The following FZD3 variants were observed in gnomAD, a reference collection of about 807,000 sequenced individuals.
FZD3 encodes the protein frizzled-3.
In FZD3, 30 loss-of-function variants were observed where a neutral mutation model predicts 60.7. The ratio of observed to expected loss-of-function variants is 0.49; its 90% confidence interval spans 0.37 to 0.67. The LOEUF (loss-of-function observed/expected upper bound fraction) is 0.67, where lower values mean the gene tolerates loss of function less well. Among genes scored for constraint, FZD3 ranks in the 30% least tolerant of loss-of-function variants. FZD3 has a pLI of 0.00. For synonymous variants in FZD3, 246 were observed against 275.2 expected (o/e 0.89, Z 1.05); for missense variants, 605 against 838.7 (o/e 0.72, Z 3.44).
chr8:28,535,177 A>G (rs1804977451), intron 5 of FZD3, among the ~76,000 whole-genome samples: 1 of 152,138 alleles, frequency 6.6e-6, no homozygotes, highest in Non-Finnish European at 1.5e-5. Flanking sequence ...GGCTGGGTGT[A>G]AAGTATTTTA....
At chr8:28,495,127 G>A (rs1010243553) in intron 1 of FZD3, among the ~76,000 whole-genome samples, 24 of 152,190 alleles carry the variant, frequency 1.6e-4, no homozygotes, top group Non-Finnish European at 2.8e-4. Context: ...TCTTCCTAGC[G>A]GTGTTTTACA....
rs933244747 is a variant in FZD3, at chr8:28,566,410, A to G, written c.*3399A>G. The G allele has an allele frequency of 1.3e-5, 2 of 152,122 alleles. No individual in the cohort carries two copies. The highest frequency in any genetic ancestry group is 2.9e-5 in the Non-Finnish European group (2 of 67,970). The allele number at this position is 152,122 out of a possible 1,614,324, so 9.4% of individuals were successfully genotyped here. A position where few individuals can be genotyped will look rare whatever the true frequency, so the allele number is the denominator to read the frequency against. On this transcript the variant is annotated 3_prime_UTR_variant, in exon 8 of 8. Transcript: ENST00000240093. ...ACTCCTTTTAGTCTTATGCTGTTAG[A>G]TCTTTGTGGACCAGCTGAGTAAATG... is the stretch of plus-strand genomic sequence containing the variant.
rs2130488274 is a variant in FZD3, at chr8:28,568,247, CAGCTGTATTTCCTAGT to C, written c.*5245_*5260del. Reference sequence around the variant, plus strand: ...TAAGAAAAAATGTTTACATTTAATTCAGCTGTATTTCCTAGTAGCTGTATAATCTTACACATTATTC... The same window carrying C: ...TAAGAAAAAATGTTTACATTTAATTCAGCTGTATAATCTTACACATTATTC... On this transcript the variant is annotated 3_prime_UTR_variant, in exon 8 of 8. Coordinates refer to ENST00000240093, the MANE Select transcript of FZD3 (RefSeq NM_017412.4). 6.6e-6 allele frequency: 1 copy of C among 152,208 alleles called. No individual in the cohort carries two copies. The highest frequency in any genetic ancestry group is 2.4e-5 in the African/African-American group (1 of 41,552). 9.4% of individuals were successfully genotyped at this position (152,208 alleles called of 1,614,324 possible). A position where few individuals can be genotyped will look rare whatever the true frequency, so the allele number is the denominator to read the frequency against.
intron 5 of FZD3, among the ~76,000 whole-genome samples, chr8:28,543,609 GA>G (rs1262299095): frequency 6.6e-6 from 1 of 151,934 alleles, no homozygotes; most frequent in African/African-American, 2.4e-5. Context: ...TCGAACTCCT[GA>G]CCTCAAGTGA....
rs138505920 is a variant in FZD3 at position 28,542,254 on chromosome 8, G to A, written c.1405-9349G>A. On this transcript the variant is annotated intron_variant, in intron 5 of 7. Transcript: ENST00000240093. ...TCTTCAGAGACAGCAAACTTGTTCT[G>A]TCAGGATTATTGTTATTGCTGTTTC... 5.3e-3 allele frequency among the ~76,000 whole-genome samples: 809 copies of A among 152,184 alleles called. 4 individuals carry two copies. The highest frequency in any genetic ancestry group is 0.019 in the African/African-American group (779 of 41,520).
chr8:28,494,640 G>A (rs1006291468), intron 1 of FZD3, among the ~76,000 whole-genome samples: 1 of 152,028 alleles, frequency 6.6e-6, no homozygotes, highest in African/African-American at 2.4e-5. Context: ...GAGGGCTAAG[G>A]GGGGAGCTGC....
intron 5 of FZD3, among the ~76,000 whole-genome samples, chr8:28,529,660 TATAA>T (rs954485754): frequency 2.6e-5 from 4 of 152,268 alleles, no homozygotes; most frequent in African/African-American, 9.6e-5. Flanking sequence ...TTTATTTTGG[TATAA>T]ATAGTCCTAT....
At chr8:28,561,651 AACTT>A (rs1210251632) in intron 7 of FZD3, among the ~76,000 whole-genome samples, 3 of 151,960 alleles carry the variant, frequency 2.0e-5, no homozygotes, top group Admixed American at 2.0e-4. Flanking sequence ...CATTACTTAA[AACTT>A]AATTAAAGTT....
In FZD3 at chr8:28,573,174, C is replaced by G. The variant is rs182107434; in HGVS notation, c.*10163C>G. On this transcript the variant is annotated 3_prime_UTR_variant, in exon 8 of 8. Transcript: ENST00000240093. ...AAACTTCCTTACCTGCCTTCTATCC[C>G]CTAGTCATTCTTATCAATACTTCCA... 1.0e-3 allele frequency: 155 copies of G among 152,184 alleles called. 1 individual carries two copies. The highest frequency in any genetic ancestry group is 3.4e-3 in the African/African-American group (140 of 41,530). 9.4% of individuals were successfully genotyped at this position (152,184 alleles called of 1,614,324 possible). A position where few individuals can be genotyped will look rare whatever the true frequency, so the allele number is the denominator to read the frequency against.
intron 5 of FZD3, among the ~76,000 whole-genome samples, chr8:28,540,885 C>T (rs1805148870): frequency 6.6e-6 from 1 of 152,176 alleles, no homozygotes; most frequent in African/African-American, 2.4e-5. Flanking sequence ...GTGGAGGTTG[C>T]AGTGAGCCGA....
At chr8:28,553,668 TG>T (rs1403784691) in intron 6 of FZD3, among the ~76,000 whole-genome samples, 1 of 152,170 alleles carries the variant, frequency 6.6e-6, no homozygotes, top group Non-Finnish European at 1.5e-5. Context: ...TCTGCAGCTG[TG>T]GATTCCCAAC....
At chr8:28,554,576 T>G (rs1476680634) in intron 6 of FZD3, among the ~76,000 whole-genome samples, 1 of 152,126 alleles carries the variant, frequency 6.6e-6, no homozygotes, top group African/African-American at 2.4e-5. Flanking sequence ...TTTAATTTCT[T>G]AAAACTTTAG....
At position 28,570,624 on chromosome 8, in the gene FZD3, C is replaced by CAAAAAAAAAAAAA. The variant is rs537672856; in HGVS notation, c.*7614_*7626dup. ...TGGGCAACGGAGCGAGACTCTATCT[C>CAAAAAAAAAAAAA]AAAAAAAAAAAAAGAAAAAAAAAAA... On this transcript the variant is annotated 3_prime_UTR_variant, in exon 8 of 8. Transcript: ENST00000240093. 9.6e-6 allele frequency: 1 copy of CAAAAAAAAAAAAA among 103,748 alleles called. No individual in the cohort carries two copies. Among genetic ancestry groups the CAAAAAAAAAAAAA allele is most frequent in the Non-Finnish European group, 2.0e-5 (1 of 49,260 alleles). The allele number at this position is 103,748 out of a possible 1,614,324, so 6.4% of individuals were successfully genotyped here.
intron 4 of FZD3, among the ~76,000 whole-genome samples, chr8:28,521,052 A>G (rs1804566051): frequency 6.6e-6 from 1 of 152,220 alleles, no homozygotes; most frequent in Non-Finnish European, 1.5e-5. Flanking sequence ...TTTTTAAAAG[A>G]CTTAAGAATT....
chr8:28,523,673 G>A (rs988851434), intron 4 of FZD3, among the ~76,000 whole-genome samples: 1 of 152,156 alleles, frequency 6.6e-6, no homozygotes, highest in Admixed American at 6.5e-5. Flanking sequence ...CTGGCCTTAA[G>A]CAGGCCTCCT....
chr8:28,508,558 T>C (rs1441441663), intron 3 of FZD3, among the ~76,000 whole-genome samples: 2 of 151,972 alleles, frequency 1.3e-5, no homozygotes, highest in Non-Finnish European at 2.9e-5. Flanking sequence ...TGTAGTGTAG[T>C]GGCACGATCA....
intron 1 of FZD3, among the ~76,000 whole-genome samples, chr8:28,496,265 T>G (rs1019633735): frequency 2.8e-4 from 43 of 152,250 alleles, no homozygotes; most frequent in African/African-American, 8.7e-4. Flanking sequence ...AAATTTCATG[T>G]TAGTTTGATA....
intron 7 of FZD3, among the ~76,000 whole-genome samples, chr8:28,561,881 A>C (rs1248387683): frequency 2.0e-5 from 3 of 152,234 alleles, no homozygotes; most frequent in Non-Finnish European, 4.4e-5. Flanking sequence ...CCATAAGCAA[A>C]GGCCTAATAT....
chr8:28,539,015 C>T (rs1411629145), intron 5 of FZD3, among the ~76,000 whole-genome samples: 1 of 151,938 alleles, frequency 6.6e-6, no homozygotes, highest in Non-Finnish European at 1.5e-5. Flanking sequence ...AGTTCTTACT[C>T]TCTCGTCTCT....
Sources: allele counts gnomAD v4.1 joint callset (sites outside exome capture counted in the v4.1 genomes callset), GRCh38; gene constraint gnomAD v4.1.1; transcripts MANE v1.5; gene names NCBI Gene and HGNC (gene_info 2026-07-23, HGNC 2026-07-21).